B3GAT2: variants seen among roughly 807,000 people sequenced by gnomAD.
B3GAT2 encodes beta-1,3-glucuronyltransferase 2.
In B3GAT2, 26 loss-of-function variants were observed where a neutral mutation model predicts 27.8. The ratio of observed to expected loss-of-function variants is 0.93; its 90% CI spans 0.68 to 1.30. The LOEUF is 1.30. Ranked by LOEUF, B3GAT2 falls within the 50% of genes most tolerant of loss-of-function variation. The pLI is 0.00. For missense variants in B3GAT2, 458 were observed against 459.0 expected, an observed-to-expected ratio of 1.00 and a Z score of 0.02; for synonymous variants, 218 against 195.1, an observed-to-expected ratio of 1.12 and a Z score of -0.98.
chr6:70,861,819 G>A lies in B3GAT2; in HGVS notation c.885+11C>T, dbSNP rs139424625. ...ACACTCGAGGTCGGGCAGCACAAGTGTAATGAATACCTTAGTGCAGTTATT... is the reference window on the plus strand; with the variant it reads ...ACACTCGAGGTCGGGCAGCACAAGTATAATGAATACCTTAGTGCAGTTATT... On this transcript the variant is annotated intron_variant, in intron 3 of 3. Coordinates refer to ENST00000230053, the MANE Select transcript of B3GAT2 (RefSeq NM_080742.3). The A allele has an allele frequency of 8.6e-5, 139 of 1,614,042 alleles. No homozygotes were observed. The African/African-American group carries it at 1.4e-3, about 16-fold the overall frequency.
chr6:70,876,895 T>C (rs1266939096), intron 2 of B3GAT2, among the ~76,000 whole-genome samples: 6 of 152,110 alleles, frequency 3.9e-5, no homozygotes, highest in African/African-American at 1.4e-4. Flanking sequence ...GAGAAGCAAA[T>C]GCTATCTGAC....
intron 1 of B3GAT2, among the ~76,000 whole-genome samples, chr6:70,954,491 A>G (rs558920897): frequency 5.3e-5 from 8 of 152,362 alleles, no homozygotes; most frequent in Non-Finnish European, 1.2e-4. Flanking sequence ...AAAGCCACAC[A>G]GAAAAATTAA....
intron 1 of B3GAT2, among the ~76,000 whole-genome samples, chr6:70,921,771 C>T (rs758643981): frequency 1.3e-5 from 2 of 152,054 alleles, no homozygotes; most frequent in Non-Finnish European, 2.9e-5. Flanking sequence ...GGGCTTTTTA[C>T]TTTTATATTC....
In B3GAT2 at chr6:70,913,732, TG is replaced by T. The variant is rs1467633029; in HGVS notation, c.592-19461del. ...CTGTTGGGTCCATTTAGTCAAATAC[TG>T]AGTTCAGGTCCCAAGTATCTTTGTT... On this transcript the variant is annotated intron_variant, in intron 1 of 3. Coordinates refer to ENST00000230053, the MANE Select transcript of B3GAT2 (RefSeq NM_080742.3). Among the ~76,000 whole-genome samples, 3 of 152,338 alleles carry T rather than the reference TG, an allele frequency of 2.0e-5. No homozygotes were observed. The East Asian group carries it at 5.8e-4, about 29-fold the overall frequency.
At chr6:70,949,023 C>T (rs1188962856) in intron 1 of B3GAT2, among the ~76,000 whole-genome samples, 2 of 152,194 alleles carry the variant, frequency 1.3e-5, no homozygotes, top group Non-Finnish European at 2.9e-5. Flanking sequence ...AAAGCTGAAA[C>T]TGGATCCCTT....
At chr6:70,926,586 A>T (rs1772963922) in intron 1 of B3GAT2, among the ~76,000 whole-genome samples, 1 of 152,224 alleles carries the variant, frequency 6.6e-6, no homozygotes. Flanking sequence ...GAGATTGAAG[A>T]TCAAATGAAT....
Position 70,931,543 on chromosome 6 carries a change from T to C in B3GAT2, c.591+24296A>G, listed in dbSNP as rs545788318. Among the ~76,000 whole-genome samples, 17 of 152,224 alleles carry C rather than the reference T, an allele frequency of 1.1e-4. No individual in the cohort carries two copies. The South Asian group carries it at 3.5e-3, about 32-fold the overall frequency. On this transcript the variant is annotated intron_variant, in intron 1 of 3. Transcript: ENST00000230053. ...TGGTTATGCTCCCACATATGGTCAG[T>C]GATTTTTGATGAGATCAGTGACTTC...
chr6:70,860,738 T>TG lies in B3GAT2; in HGVS notation c.*924dup. ...AGTAATCCTGTAGGAAGGTACTGTA[T>TG]GATCAAATGTTTAATCATATAAATA... On this transcript the variant is annotated 3_prime_UTR_variant, in exon 4 of 4. Coordinates refer to ENST00000230053, the MANE Select transcript of B3GAT2 (RefSeq NM_080742.3). 1 of 401,208 alleles carries TG rather than the reference T, an allele frequency of 2.5e-6. No individual in the cohort carries two copies. The highest frequency in any genetic ancestry group is 4.3e-5 in the Admixed American group (1 of 23,294). 24.9% of individuals were successfully genotyped at this position (401,208 alleles called of 1,614,324 possible).
At chr6:70,951,697 C>A (rs1302619837) in intron 1 of B3GAT2, among the ~76,000 whole-genome samples, 2 of 152,016 alleles carry the variant, frequency 1.3e-5, no homozygotes, top group Non-Finnish European at 2.9e-5. Flanking sequence ...TACTGTACAC[C>A]CAGGGAGAAT....
chr6:70,856,804 A>G lies in B3GAT2; in HGVS notation c.*4859T>C. ...ACTTTATTTGGATTTTAAGTAATGGATAAGCTGCGCTTTACTATGCAGAAT... is the reference window on the plus strand; with the variant it reads ...ACTTTATTTGGATTTTAAGTAATGGGTAAGCTGCGCTTTACTATGCAGAAT... On this transcript the variant is annotated 3_prime_UTR_variant, in exon 4 of 4. Coordinates refer to ENST00000230053, the MANE Select transcript of B3GAT2 (RefSeq NM_080742.3). 2 of 1,486,770 alleles carry G rather than the reference A, an allele frequency of 1.3e-6. No homozygotes were observed. Among genetic ancestry groups the G allele is most frequent in the Non-Finnish European group, 1.8e-6 (2 of 1,109,054 alleles). 92.1% of individuals were successfully genotyped at this position (1,486,770 alleles called of 1,614,324 possible). A position where few individuals can be genotyped will look rare whatever the true frequency, so the allele number is the denominator to read the frequency against.
intron 2 of B3GAT2, among the ~76,000 whole-genome samples, chr6:70,892,452 G>C (rs958806879): frequency 1.3e-5 from 2 of 152,220 alleles, no homozygotes; most frequent in African/African-American, 2.4e-5. Flanking sequence ...CAAGGAAATG[G>C]GCAGACATCC....
intron 1 of B3GAT2, among the ~76,000 whole-genome samples, chr6:70,928,059 C>T (rs1772993535): frequency 6.6e-6 from 1 of 152,148 alleles, no homozygotes; most frequent in Non-Finnish European, 1.5e-5. Flanking sequence ...TACATGGAAA[C>T]TGAACAACCT....
At chr6:70,938,992 C>A (rs951764634) in intron 1 of B3GAT2, among the ~76,000 whole-genome samples, 5 of 151,846 alleles carry the variant, frequency 3.3e-5, no homozygotes, top group Non-Finnish European at 5.9e-5. Context: ...ATATTCGCAA[C>A]CTACTCATCT....
At chr6:70,930,748 T>C (rs1323385190) in intron 1 of B3GAT2, among the ~76,000 whole-genome samples, 1 of 152,220 alleles carries the variant, frequency 6.6e-6, no homozygotes, top group East Asian at 1.9e-4. Flanking sequence ...GAGTGTAAAC[T>C]CGTTCAACCA....
chr6:70,914,418 C>T (rs535546993), intron 1 of B3GAT2, among the ~76,000 whole-genome samples: 13 of 152,202 alleles, frequency 8.5e-5, no homozygotes, highest in African/African-American at 2.4e-4. Flanking sequence ...TTGCTGAGAA[C>T]GATGATTTCC....
At chr6:70,952,206 T>C (rs1347121036) in intron 1 of B3GAT2, among the ~76,000 whole-genome samples, 1 of 152,196 alleles carries the variant, frequency 6.6e-6, no homozygotes, top group Non-Finnish European at 1.5e-5. Flanking sequence ...CTTTAGTTCA[T>C]TGCTTTCCAG....
At position 70,857,592 on chromosome 6, in the gene B3GAT2, G is replaced by A. The variant is rs1771484827; in HGVS notation, c.*4071C>T. 12 of 263,670 alleles carry A rather than the reference G, an allele frequency of 4.6e-5. No individual in the cohort carries two copies. The South Asian group carries it at 6.1e-4, about 13-fold the overall frequency. 16.3% of individuals were successfully genotyped at this position (263,670 alleles called of 1,614,324 possible). ...TCTCACTTCCCTGTTTCGTACTGGG[G>A]GACCAGTGGTACAAATCAGCAATAA... On this transcript the variant is annotated 3_prime_UTR_variant, in exon 4 of 4. Transcript: ENST00000230053.
intron 1 of B3GAT2, among the ~76,000 whole-genome samples, chr6:70,921,797 G>C (rs565380396): frequency 6.6e-6 from 1 of 152,196 alleles, no homozygotes; most frequent in East Asian, 1.9e-4. Context: ...TATTCTTGAG[G>C]GTTTGATTGT....
intron 2 of B3GAT2, among the ~76,000 whole-genome samples, chr6:70,887,769 C>T (rs1393957663): frequency 1.3e-5 from 2 of 152,150 alleles, no homozygotes; most frequent in Non-Finnish European, 2.9e-5. Flanking sequence ...AAGAAGGCAG[C>T]CTTTAAGCTG....
Sources: gnomAD v4.1 joint callset for allele counts (sites outside exome capture counted in the v4.1 genomes callset) on GRCh38, gnomAD v4.1.1 for gene constraint, MANE v1.5 for transcripts, NCBI Gene and HGNC (gene_info 2026-07-23, HGNC 2026-07-21) for gene names.